RNF185: variants seen among roughly 807,000 people sequenced by gnomAD.
The protein encoded by RNF185 is E3 ubiquitin-protein ligase RNF185.
A neutral mutation model predicts 24.9 loss-of-function variants in RNF185; 13 were observed. The ratio of observed to expected loss-of-function variants is 0.52; its 90% CI spans 0.34 to 0.83. The LOEUF is 0.83. Ranked by LOEUF, RNF185 falls within the 40% of genes least tolerant of loss-of-function variation. The pLI, the probability that RNF185 is intolerant of heterozygous loss-of-function variation, is 0.01. For synonymous variants in RNF185, 79 were observed against 90.3 expected (o/e 0.88, Z 0.71); for missense variants, 184 against 244.7 (o/e 0.75, Z 1.65).
At chr22:31,183,859 G>A (rs548815680) in intron 1 of RNF185, among the ~76,000 whole-genome samples, 24 of 152,074 alleles carry the variant, frequency 1.6e-4, no homozygotes, top group South Asian at 1.2e-3. Context: ...CGACAAAACC[G>A]CTATTGTCAT....
At chr22:31,201,855 C>G (rs1388920999) in intron 6 of RNF185, among the ~76,000 whole-genome samples, 1 of 152,212 alleles carries the variant, frequency 6.6e-6, no homozygotes, top group Non-Finnish European at 1.5e-5. Context: ...GGGATCATCA[C>G]AACCACCCTA....
chr22:31,195,242 G>A (rs5997909), intron 3 of RNF185, among the ~76,000 whole-genome samples: 61,918 of 151,924 alleles, frequency 0.41, 13,856 homozygotes, highest in Middle Eastern at 0.57. Flanking sequence ...CATGAGCACC[G>A]CACCCGGCCA....
chr22:31,160,589 A>AC (rs1400646329), intron 1 of RNF185, among the ~76,000 whole-genome samples: 1 of 152,200 alleles, frequency 6.6e-6, no homozygotes, highest in South Asian at 2.1e-4. Context: ...CCCGTGCGAG[A>AC]CCGCCTCTAT....
chr22:31,181,272 A>T lies in RNF185; in HGVS notation c.-48-5775A>T, dbSNP rs1415222930. On this transcript the variant is annotated intron_variant, in intron 1 of 6. Transcript: ENST00000326132. ...AGGCAGGGGATTGCTTGAGCCCAGGAGGTTGAGCTTGCAGTGAGCTGTGAT... is the reference window on the plus strand; with the variant it reads ...AGGCAGGGGATTGCTTGAGCCCAGGTGGTTGAGCTTGCAGTGAGCTGTGAT... 2.0e-5 allele frequency among the ~76,000 whole-genome samples: 3 copies of T among 151,910 alleles called. No homozygotes were observed. In the East Asian group the frequency reaches 5.8e-4, roughly 29 times the overall value.
chr22:31,176,656 T>G (rs1436403315), intron 1 of RNF185, among the ~76,000 whole-genome samples: 2 of 151,804 alleles, frequency 1.3e-5, no homozygotes, highest in Non-Finnish European at 2.9e-5. Flanking sequence ...GCCCGGCTAA[T>G]TTTTTGTATT....
intron 5 of RNF185, among the ~76,000 whole-genome samples, chr22:31,197,635 A>G (rs1368430227): frequency 6.6e-6 from 1 of 152,238 alleles, no homozygotes; most frequent in Non-Finnish European, 1.5e-5. Context: ...AGTTCACTGT[A>G]GCCTCGACCT....
chr22:31,189,159 G>GTGTGTGTGTGTGTGTGTT (rs2048129936), intron 2 of RNF185, among the ~76,000 whole-genome samples: 1 of 147,910 alleles, frequency 6.8e-6, no homozygotes, highest in Non-Finnish European at 1.5e-5. Flanking sequence ...GTGTGTGTGT[G>GTGTGTGTGTGTGTGTGTT]TGTGTTTGTG....
At position 31,195,564 on chromosome 22, in the gene RNF185, T is replaced by A. The variant is rs1267915958; in HGVS notation, c.291T>A (p.Thr97=). 6.2e-7 allele frequency: 1 copy of A among 1,608,054 alleles called. No homozygotes were observed. The highest frequency in any genetic ancestry group is 1.1e-5 in the South Asian group (1 of 89,716). The change falls in exon 4 of 7, where the codon ACT becomes ACA. Residue 97 remains threonine, a synonymous_variant. Coordinates refer to ENST00000326132, the MANE Select transcript of RNF185 (RefSeq NM_152267.4). ...KVIPLYGRGS[T]GQQDPREKTP... The stretch of plus-strand genomic sequence containing the variant: ...TCCCCCTCTATGGAAGGGGCAGCAC[T>A]GGGCAACAGGACCCCAGGTGAGGAC...
chr22:31,164,561 A>G (rs1198365587), intron 1 of RNF185, among the ~76,000 whole-genome samples: 1 of 147,966 alleles, frequency 6.8e-6, no homozygotes, highest in Non-Finnish European at 1.5e-5. Context: ...CTCATCAGAT[A>G]TCTGGGACAG....
At chr22:31,182,866 C>G (rs2048052393) in intron 1 of RNF185, 1 of 151,312 alleles carries the variant, frequency 6.6e-6, no homozygotes, top group African/African-American at 2.4e-5. Flanking sequence ...TTAATACTTG[C>G]ACCTATCCTC....
intron 1 of RNF185, among the ~76,000 whole-genome samples, chr22:31,171,255 C>T (rs544725689): frequency 2.6e-5 from 4 of 151,622 alleles, no homozygotes; most frequent in East Asian, 3.9e-4. Flanking sequence ...CTGCAACCTC[C>T]GCCTCCTTGG....
chr22:31,185,893 G>A (rs757284299), intron 1 of RNF185, among the ~76,000 whole-genome samples: 5 of 152,070 alleles, frequency 3.3e-5, no homozygotes, highest in African/African-American at 4.8e-5. Flanking sequence ...GTAGTGGTAC[G>A]GTGCAAACAG....
intron 1 of RNF185, among the ~76,000 whole-genome samples, chr22:31,176,240 A>ATT (rs200812843): frequency 3.5e-5 from 5 of 144,884 alleles, no homozygotes; most frequent in East Asian, 2.0e-4. Context: ...AATAAATTCA[A>ATT]TTTTTTTTTT....
chr22:31,194,602 C>T (rs2048186393), intron 3 of RNF185, among the ~76,000 whole-genome samples: 1 of 152,012 alleles, frequency 6.6e-6, no homozygotes, highest in African/African-American at 2.4e-5. Context: ...GTGGTGGGCG[C>T]CTGTAATCCC....
intron 2 of RNF185, among the ~76,000 whole-genome samples, chr22:31,187,906 T>C (rs1463508959): frequency 7.2e-6 from 1 of 139,366 alleles, no homozygotes; most frequent in Non-Finnish European, 1.5e-5. Flanking sequence ...TAGGTGAAGG[T>C]CGGATTTTGG....
intron 5 of RNF185, 23 bp downstream of exon 5, chr22:31,197,013 C>G (rs770514910): frequency 6.2e-7 from 1 of 1,613,338 alleles, no homozygotes; most frequent in Non-Finnish European, 8.5e-7. Context: ...CTAGGAGAAG[C>G]TTCTACAAAT....
chr22:31,188,955 T>TAAAA (rs34561325), intron 2 of RNF185, among the ~76,000 whole-genome samples: 1 of 118,088 alleles, frequency 8.5e-6, no homozygotes, highest in Non-Finnish European at 1.7e-5. Flanking sequence ...CCGTTTCTAC[T>TAAAA]AAAAAAAAAA....
chr22:31,171,331 A>T (rs1602792563), intron 1 of RNF185, among the ~76,000 whole-genome samples: 1 of 149,242 alleles, frequency 6.7e-6, no homozygotes. Flanking sequence ...CACTATGACC[A>T]GCTAATTTTT....
chr22:31,202,531 G>A (rs1433412850), intron 6 of RNF185, among the ~76,000 whole-genome samples: 3 of 151,166 alleles, frequency 2.0e-5, no homozygotes, highest in Admixed American at 6.6e-5. Flanking sequence ...CTGCCTGCCT[G>A]CCTGCCTGTC....
Sources: gnomAD v4.1 joint callset for allele counts (sites outside exome capture counted in the v4.1 genomes callset) on GRCh38, gnomAD v4.1.1 for gene constraint, MANE v1.5 for transcripts, NCBI Gene and HGNC (gene_info 2026-07-23, HGNC 2026-07-21) for gene names.